WWC2: variants seen among roughly 807,000 people sequenced by gnomAD.
WWC2 encodes protein WWC2.
Under a neutral mutation model 138.5 loss-of-function variants are expected in WWC2, and 101 were observed. The ratio of observed to expected loss-of-function variants is 0.73; its 90% CI spans 0.62 to 0.86. WWC2 has a LOEUF of 0.86. Ranked by LOEUF, WWC2 falls within the 40% of genes least tolerant of loss-of-function variation. The probability of loss-of-function intolerance (pLI) is 0.00; values close to 1 mark genes in which losing one functional copy is unlikely to be tolerated. For synonymous variants in WWC2, 558 were observed against 538.4 expected, an observed-to-expected ratio of 1.04 and a Z score of -0.50; for missense variants, 1,420 against 1,419.4, an observed-to-expected ratio of 1.00 and a Z score of -0.01.
chr4:183,310,374 CTG>C (rs1226312213), intron 21 of WWC2, among the ~76,000 whole-genome samples: 2 of 152,142 alleles, frequency 1.3e-5, no homozygotes, highest in African/African-American at 4.8e-5. Context: ...AATAAATAGA[CTG>C]TGTTTTTCAG....
chr4:183,320,012 G>A lies in WWC2; in HGVS notation c.*4283G>A, dbSNP rs1203692622. 1 of 1,613,782 alleles carries A rather than the reference G, an allele frequency of 6.2e-7. No individual in the cohort carries two copies. The highest frequency in any genetic ancestry group is 1.3e-5 in the African/African-American group (1 of 74,866). Reference sequence around the variant, plus strand: ...TGAGTTCAGCAGGCAAAGCCAGGAAGGAGTCAAAGTCCTTGCATTGCATCC... The same window carrying A: ...TGAGTTCAGCAGGCAAAGCCAGGAAAGAGTCAAAGTCCTTGCATTGCATCC... On this transcript the variant is annotated 3_prime_UTR_variant, in exon 23 of 23. Transcript: ENST00000403733.
chr4:183,235,097 T>G (rs1239772500), intron 4 of WWC2, among the ~76,000 whole-genome samples: 1 of 152,202 alleles, frequency 6.6e-6, no homozygotes, highest in Non-Finnish European at 1.5e-5. Context: ...TTTTGATAGT[T>G]CATAAAATGC....
At chr4:183,239,315 A>G (rs1736540455) in intron 4 of WWC2, among the ~76,000 whole-genome samples, 1 of 151,500 alleles carries the variant, frequency 6.6e-6, no homozygotes, top group Non-Finnish European at 1.5e-5. Flanking sequence ...CTCTGTCTCA[A>G]AAAAAAAACA....
At chr4:183,128,342 A>G (rs550645974) in intron 1 of WWC2, among the ~76,000 whole-genome samples, 1 of 150,920 alleles carries the variant, frequency 6.6e-6, no homozygotes, top group Non-Finnish European at 1.5e-5. Context: ...GTCTCAAAGA[A>G]AAAAAAAAGA....
intron 1 of WWC2, among the ~76,000 whole-genome samples, chr4:183,118,711 A>C (rs758490716): frequency 6.6e-6 from 1 of 152,200 alleles, no homozygotes; most frequent in Non-Finnish European, 1.5e-5. Flanking sequence ...GGAGGAATGC[A>C]GTAGAAGTGA....
At chr4:183,314,274 A>G (rs924004399) in intron 22 of WWC2, among the ~76,000 whole-genome samples, 2 of 152,328 alleles carry the variant, frequency 1.3e-5, no homozygotes, top group African/African-American at 2.4e-5. Flanking sequence ...GAGCCCATCC[A>G]TGTCCCTGGT....
At chr4:183,302,435 A>G (rs764162589) in intron 21 of WWC2, among the ~76,000 whole-genome samples, 1 of 152,160 alleles carries the variant, frequency 6.6e-6, no homozygotes, top group Non-Finnish European at 1.5e-5. Context: ...AAGCATCGCA[A>G]TTGTGGGACT....
chr4:183,199,391 A>C (rs771693906), intron 2 of WWC2, among the ~76,000 whole-genome samples: 77 of 152,322 alleles, frequency 5.1e-4, no homozygotes, highest in African/African-American at 1.7e-3. Flanking sequence ...CTAGCCACTC[A>C]TACACTAGCC....
In WWC2 at chr4:183,248,832, C is replaced by A; in HGVS notation, c.851C>A (p.Ala284Asp). Residue 284 changes from alanine to aspartate, a missense_variant, in exon 7 of 23, where the codon GCT (alanine) becomes GAT (aspartate). Coordinates refer to ENST00000403733, the MANE Select transcript of WWC2 (RefSeq NM_024949.6). ...HLCLSRQTLD[A>D]GSQTSISGDI... ...TGTCTCTCCAGACAGACCCTTGATG[C>A]TGGGTCACAAACAAGCATTTCCGGA... 2 of 1,601,154 alleles carry A rather than the reference C, an allele frequency of 1.2e-6. No homozygotes were observed. The highest frequency in any genetic ancestry group is 1.7e-6 in the Non-Finnish European group (2 of 1,172,790).
At chr4:183,298,459 A>G (rs890873846) in intron 21 of WWC2, among the ~76,000 whole-genome samples, 31 of 152,318 alleles carry the variant, frequency 2.0e-4, no homozygotes, top group Middle Eastern at 3.4e-3. Flanking sequence ...AAAAGAGACT[A>G]TAACAGCAAG....
chr4:183,123,468 A>G (rs1732667759), intron 1 of WWC2, among the ~76,000 whole-genome samples: 1 of 151,764 alleles, frequency 6.6e-6, no homozygotes, highest in African/African-American at 2.4e-5. Flanking sequence ...CACAAAACTA[A>G]GGCATATAGC....
chr4:183,178,813 G>A (rs1357015366), intron 1 of WWC2, among the ~76,000 whole-genome samples: 1 of 152,166 alleles, frequency 6.6e-6, no homozygotes, highest in African/African-American at 2.4e-5. Context: ...TAAGGCTAAG[G>A]CATCATGGCC....
chr4:183,165,414 G>C (rs1734105379), intron 1 of WWC2, among the ~76,000 whole-genome samples: 1 of 152,182 alleles, frequency 6.6e-6, no homozygotes, highest in African/African-American at 2.4e-5. Flanking sequence ...TGCTAGGCTT[G>C]AGAAGCTGTT....
At chr4:183,312,290 A>T in intron 21 of WWC2, 51 bp from the exon 22 acceptor site, 1 of 1,597,864 alleles carries the variant, frequency 6.3e-7, no homozygotes. Flanking sequence ...GTCTCCAGGG[A>T]TTTCTAATCA....
intron 16 of WWC2, among the ~76,000 whole-genome samples, chr4:183,280,454 G>A (rs896916256): frequency 2.0e-5 from 3 of 151,956 alleles, no homozygotes; most frequent in Admixed American, 6.6e-5. Context: ...GGCAGCCACA[G>A]TCTGTTTAGC....
At chr4:183,306,648 T>C (rs1299013576) in intron 21 of WWC2, among the ~76,000 whole-genome samples, 4 of 151,856 alleles carry the variant, frequency 2.6e-5, no homozygotes, top group African/African-American at 7.3e-5. Flanking sequence ...TACCTCAACC[T>C]CCTGAGTAGC....
chr4:183,264,169 A>G lies in WWC2; in HGVS notation c.1910-809A>G, dbSNP rs1042958760. On this transcript the variant is annotated intron_variant, in intron 11 of 22. Coordinates refer to ENST00000403733, the MANE Select transcript of WWC2 (RefSeq NM_024949.6). The stretch of plus-strand genomic sequence containing the variant: ...AATAAAGTGGAAAATGCAGCAATCA[A>G]TCCTGTAATCTGAAGCCTTAAAACT... Among the ~76,000 whole-genome samples the G allele has an allele frequency of 3.3e-5, 5 of 152,274 alleles. No individual in the cohort carries two copies. The South Asian group carries it at 8.3e-4, about 25-fold the overall frequency.
chr4:183,248,406 A>G (rs1038417785), intron 6 of WWC2, among the ~76,000 whole-genome samples: 4 of 152,214 alleles, frequency 2.6e-5, no homozygotes, highest in African/African-American at 9.6e-5. Context: ...AAATAGAGAT[A>G]ACTTCTTAAT....
chr4:183,231,943 G>A (rs1263299703), intron 4 of WWC2, among the ~76,000 whole-genome samples: 2 of 152,174 alleles, frequency 1.3e-5, no homozygotes, highest in Admixed American at 6.5e-5. Context: ...GTACATACAG[G>A]TTTTGACACA....
Sources: gnomAD v4.1 joint callset for allele counts (sites outside exome capture counted in the v4.1 genomes callset) on GRCh38, gnomAD v4.1.1 for gene constraint, MANE v1.5 for transcripts, NCBI Gene and HGNC (gene_info 2026-07-23, HGNC 2026-07-21) for gene names.